The following EXOC4 variants were observed in gnomAD, a reference collection of about 807,000 sequenced individuals.
The protein encoded by EXOC4 is SEC8-like 1.
EXOC4 carries 71 observed loss-of-function variants against 107.2 expected under a neutral mutation model. That is an observed-to-expected ratio of 0.66 (90% CI 0.55 to 0.81). EXOC4 has a LOEUF of 0.81. Among genes scored for constraint, EXOC4 ranks in the 30% least tolerant of loss-of-function variants. The pLI is 0.00. For missense variants in EXOC4, 1,108 were observed against 1,189.6 expected (o/e 0.93, Z 1.01); for synonymous variants, 456 against 441.2 (o/e 1.03, Z -0.42).
At chr7:133,832,454 A>G (rs1444115719) in intron 11 of EXOC4, among the ~76,000 whole-genome samples, 3 of 152,256 alleles carry the variant, frequency 2.0e-5, no homozygotes, top group South Asian at 4.1e-4. Flanking sequence ...TGCTTCACCT[A>G]TTCAACATTT....
At chr7:133,451,583 T>C (rs1170608307) in intron 7 of EXOC4, among the ~76,000 whole-genome samples, 1 of 152,158 alleles carries the variant, frequency 6.6e-6, no homozygotes, top group Non-Finnish European at 1.5e-5. Flanking sequence ...ACTTAAAATT[T>C]TTTACTTTCT....
At chr7:133,878,917 G>T (rs1798906176) in intron 11 of EXOC4, among the ~76,000 whole-genome samples, 1 of 151,972 alleles carries the variant, frequency 6.6e-6, no homozygotes, top group Admixed American at 6.6e-5. Flanking sequence ...TAGAGATGGG[G>T]TTTCATCATG....
At chr7:133,347,311 T>G (rs921115246) in intron 5 of EXOC4, among the ~76,000 whole-genome samples, 2 of 151,850 alleles carry the variant, frequency 1.3e-5, no homozygotes, top group African/African-American at 4.8e-5. Context: ...TGGTGCGATC[T>G]TGGCTCACTG....
intron 17 of EXOC4, among the ~76,000 whole-genome samples, chr7:134,045,142 G>A (rs1227791286): frequency 1.3e-5 from 2 of 152,120 alleles, no homozygotes; most frequent in Non-Finnish European, 2.9e-5. Context: ...TATAATTATG[G>A]TCCTCCTTAA....
chr7:133,387,527 A>G (rs1796754842), intron 7 of EXOC4, among the ~76,000 whole-genome samples: 1 of 152,150 alleles, frequency 6.6e-6, no homozygotes, highest in South Asian at 2.1e-4. Flanking sequence ...GCATTATTTC[A>G]TCCAATAATT....
chr7:133,353,737 C>G (rs904536491), intron 5 of EXOC4, among the ~76,000 whole-genome samples: 1 of 152,024 alleles, frequency 6.6e-6, no homozygotes, highest in Admixed American at 6.6e-5. Context: ...GCTCTTTTCT[C>G]TCTTTCTTCT....
At chr7:133,686,132 GC>G in intron 10 of EXOC4, among the ~76,000 whole-genome samples, 1 of 152,082 alleles carries the variant, frequency 6.6e-6, no homozygotes, top group African/African-American at 2.4e-5. Flanking sequence ...AGTACAGTCA[GC>G]CCCCTGCCCA....
intron 12 of EXOC4, among the ~76,000 whole-genome samples, chr7:133,900,658 C>T (rs754227281): frequency 6.6e-6 from 1 of 151,436 alleles, no homozygotes; most frequent in Non-Finnish European, 1.5e-5. Context: ...GGGAGAGAGA[C>T]ATTAAGTGCC....
At chr7:134,097,672 C>T in the EXOC4 span, among the ~76,000 whole-genome samples, 1 of 152,222 alleles carries the variant, frequency 6.6e-6, no homozygotes, top group Non-Finnish European at 1.5e-5. Flanking sequence ...GACTGGAAAT[C>T]TACCCCCACA....
chr7:133,491,927 A>C (rs1799379363), intron 9 of EXOC4, among the ~76,000 whole-genome samples: 1 of 152,156 alleles, frequency 6.6e-6, no homozygotes, highest in South Asian at 2.1e-4. Context: ...ATGGAACTGG[A>C]AATATTTTAT....
chr7:133,490,776 A>G (rs1799357167), intron 9 of EXOC4, among the ~76,000 whole-genome samples: 1 of 152,224 alleles, frequency 6.6e-6, no homozygotes, highest in African/African-American at 2.4e-5. Context: ...AATAAAGGTC[A>G]TTATTATACC....
intron 12 of EXOC4, among the ~76,000 whole-genome samples, chr7:133,905,101 C>T (rs1360818609): frequency 1.3e-5 from 2 of 152,202 alleles, no homozygotes; most frequent in Non-Finnish European, 2.9e-5. Flanking sequence ...ACGTTGCACT[C>T]TGATTTTCTC....
At chr7:133,643,317 C>G (rs1377576336) in intron 10 of EXOC4, among the ~76,000 whole-genome samples, 1 of 52,342 alleles carries the variant, frequency 1.9e-5, no homozygotes, top group Non-Finnish European at 4.7e-5. Flanking sequence ...CTAGGTCAGT[C>G]TCTCTTTTCA....
intron 9 of EXOC4, among the ~76,000 whole-genome samples, chr7:133,539,812 A>C (rs961389893): frequency 1.5e-4 from 23 of 152,022 alleles, no homozygotes; most frequent in Admixed American, 1.5e-3. Context: ...TGCGAAGGAG[A>C]TCATTGCTCT....
At chr7:133,469,051 A>T (rs775192685) in intron 7 of EXOC4, among the ~76,000 whole-genome samples, 1 of 152,206 alleles carries the variant, frequency 6.6e-6, no homozygotes, top group East Asian at 1.9e-4. Context: ...GAAGCAGTCT[A>T]TTATCAGACT....
chr7:133,459,262 G>A (rs1257355342), intron 7 of EXOC4, among the ~76,000 whole-genome samples: 3 of 152,148 alleles, frequency 2.0e-5, no homozygotes, highest in Non-Finnish European at 4.4e-5. Flanking sequence ...GAATAATTAG[G>A]TAGAGCTGTG....
intron 2 of EXOC4, among the ~76,000 whole-genome samples, chr7:133,279,940 A>G (rs145143329): frequency 3.3e-5 from 5 of 152,288 alleles, no homozygotes; most frequent in African/African-American, 1.2e-4. Flanking sequence ...TGATGGTCCA[A>G]GCTTTTTTAA....
chr7:133,874,678 C>A (rs73155198), intron 11 of EXOC4, among the ~76,000 whole-genome samples: 18,154 of 152,244 alleles, frequency 0.12, 1,184 homozygotes, highest in Middle Eastern at 0.15. Context: ...GTGGTGTGAA[C>A]CACCAAAGAC....
chr7:133,768,048 T>A (rs1188156541), intron 10 of EXOC4: 1 of 152,014 alleles, frequency 6.6e-6, no homozygotes, highest in Admixed American at 6.6e-5. Flanking sequence ...GGTGATGATT[T>A]GAACAGTTTG....
Sources: allele counts gnomAD v4.1 joint callset (sites outside exome capture counted in the v4.1 genomes callset), GRCh38; gene constraint gnomAD v4.1.1; transcripts MANE v1.5; gene names NCBI Gene and HGNC (gene_info 2026-07-23, HGNC 2026-07-21).